Variants in FAT2 observed in about 807,000 individuals in gnomAD.
The protein encoded by FAT2 is FAT atypical cadherin 2, also known as protocadherin Fat 2.
A neutral mutation model predicts 295.3 loss-of-function variants in FAT2; 150 were observed. The observed-to-expected ratio is 0.51, with a 90% CI of 0.44 to 0.58. FAT2 has a LOEUF of 0.58. FAT2 is among the 20% of genes least tolerant of loss of function. The pLI is 0.00. For missense variants in FAT2, 4,868 were observed against 5,442.7 expected, an observed-to-expected ratio of 0.89 and a Z score of 3.32; for synonymous variants, 2,026 against 2,150.3, an observed-to-expected ratio of 0.94 and a Z score of 1.60.
At chr5:151,520,558 C>T (rs1448780450) in intron 19 of FAT2, among the ~76,000 whole-genome samples, 1 of 152,160 alleles carries the variant, frequency 6.6e-6, no homozygotes. Context: ...TGACAGTCAC[C>T]GTTGATCTGG....
At chr5:151,549,618 AACTC>A in intron 8 of FAT2, 113 bp from the exon 9 acceptor site, 1 of 752,378 alleles carries the variant, frequency 1.3e-6, no homozygotes, top group Non-Finnish European at 2.2e-6. Flanking sequence ...AATTGTAACT[AACTC>A]CCCATATTCT....
chr5:151,564,588 C>T (rs1479930116), intron 2 of FAT2, among the ~76,000 whole-genome samples: 5 of 152,164 alleles, frequency 3.3e-5, no homozygotes, highest in African/African-American at 4.8e-5. Context: ...CCTTTATTCA[C>T]GTGGGATCTC....
chr5:151,548,627 C>T (rs1238714475), intron 9 of FAT2, among the ~76,000 whole-genome samples: 2 of 152,100 alleles, frequency 1.3e-5, no homozygotes, highest in South Asian at 2.1e-4. Context: ...ATTACAGGTG[C>T]ATGTCACCAT....
chr5:151,506,954 G>A (rs1760932677), intron 23 of FAT2, among the ~76,000 whole-genome samples, 200 bp downstream of exon 23: 1 of 152,314 alleles, frequency 6.6e-6, no homozygotes, highest in South Asian at 2.1e-4. Flanking sequence ...ATTTAAAGGA[G>A]TGCAATAGAA....
chr5:151,515,644 A>C (rs1752785129), intron 20 of FAT2, among the ~76,000 whole-genome samples: 1 of 152,132 alleles, frequency 6.6e-6, no homozygotes, highest in Admixed American at 6.5e-5. Flanking sequence ...CCCACCCTTC[A>C]TTCAATTCAC....
rs75034353 is a variant in FAT2, at chr5:151,507,723, G to A, written c.12060-112C>T. On this transcript the variant is annotated intron_variant, in intron 22 of 23. Coordinates refer to ENST00000261800, the MANE Select transcript of FAT2 (RefSeq NM_001447.3). ...CTCCCCCCAAAACCTACCATCTCCC[G>A]TTTTTCACCCCCCAAAAAAGTAACT... 9,524 of 966,602 alleles carry A rather than the reference G, an allele frequency of 9.9e-3. 563 individuals are homozygous for A. In the African/African-American group the frequency reaches 0.13, roughly 14 times the overall value. 59.9% of individuals were successfully genotyped at this position (966,602 alleles called of 1,614,324 possible).
rs763399839 is a variant in FAT2 at position 151,553,441 on chromosome 5, C to G, written c.3946-54G>C. On this transcript the variant is annotated intron_variant, in intron 5 of 23. Coordinates refer to ENST00000261800, the MANE Select transcript of FAT2 (RefSeq NM_001447.3). ...GTTTGGGGCCAAGAGACAGGAAGACCCAAGCAGCCAGGACAGGAACCAGAG... is the reference window on the plus strand; with the variant it reads ...GTTTGGGGCCAAGAGACAGGAAGACGCAAGCAGCCAGGACAGGAACCAGAG... The G allele has an allele frequency of 3.7e-4, 562 of 1,528,796 alleles. 1 individual carries two copies. The highest frequency in any genetic ancestry group is 4.8e-4 in the Non-Finnish European group (539 of 1,114,226). The allele number at this position is 1,528,796 out of a possible 1,614,324, so 94.7% of individuals were successfully genotyped here.
chr5:151,532,936 C>G (rs1458838909), intron 13 of FAT2, among the ~76,000 whole-genome samples: 1 of 152,220 alleles, frequency 6.6e-6, no homozygotes, highest in Non-Finnish European at 1.5e-5. Context: ...ACATGCCATG[C>G]AACTTCCCCA....
chr5:151,542,822 C>T lies in FAT2; in HGVS notation c.8305G>A (p.Ala2769Thr), dbSNP rs1172054491. 1.2e-6 allele frequency: 2 copies of T among 1,614,192 alleles called. No homozygotes were observed. The highest frequency in any genetic ancestry group is 1.1e-5 in the South Asian group (1 of 91,086). Residue 2769 changes from alanine to threonine, a missense_variant, in exon 10 of 24, where the codon GCA (alanine) becomes ACA (threonine). Ala to Thr is a moderately conservative substitution (Grantham distance 58). This residue lies in a region of FAT2 where 3,297 missense variants were observed against 3,669.4 expected (regional missense o/e 0.90). Coordinates refer to ENST00000261800, the MANE Select transcript of FAT2 (RefSeq NM_001447.3). ...ACATCAGTGTTCTGAAGGCAATGTG[C>T]CATCACATCAATCTGGTACAATTTG... ...STKLYQIDVM[A>T]HCLQNTDVVS...
chr5:151,505,548 G>A lies in FAT2; in HGVS notation c.*17C>T. ...CAGTCCTTGGCCTCCCGCCTGCCTT[G>A]CTCTGGGAATGGGAAGCTAGAACAT... is the stretch of plus-strand genomic sequence containing the variant. On this transcript the variant is annotated 3_prime_UTR_variant, in exon 24 of 24. Coordinates refer to ENST00000261800, the MANE Select transcript of FAT2 (RefSeq NM_001447.3). The A allele has an allele frequency of 6.2e-7, 1 of 1,613,916 alleles. No homozygotes were observed. The highest frequency in any genetic ancestry group is 8.5e-7 in the Non-Finnish European group (1 of 1,179,946).
Position 151,551,485 on chromosome 5 carries a change from G to T in FAT2, c.4278C>A (p.Ser1426=). 4.3e-6 allele frequency: 7 copies of T among 1,614,156 alleles called. No homozygotes were observed. The highest frequency in any genetic ancestry group is 5.1e-6 in the Non-Finnish European group (6 of 1,180,034). The change falls in exon 7 of 24, where the codon TCC becomes TCA. Residue 1426 remains serine (S), a synonymous_variant. Transcript: ENST00000261800. Reference sequence around the variant, plus strand: ...CTCTAACCTGTGTGGCAATGGTGCGGGACCCATCTGTCACCTCAACAGTCA... The same window carrying T: ...CTCTAACCTGTGTGGCAATGGTGCGTGACCCATCTGTCACCTCAACAGTCA... ...YNLTVEVTDG[S]RTIATQVHIF...
At chr5:151,548,785 T>C (rs1250327998) in intron 9 of FAT2, among the ~76,000 whole-genome samples, 1 of 152,196 alleles carries the variant, frequency 6.6e-6, no homozygotes, top group Non-Finnish European at 1.5e-5. Flanking sequence ...CTGGCCAACA[T>C]ACATTTTCTC....
At chr5:151,540,489 C>T in intron 11 of FAT2, 78 bp downstream of exon 11, 5 of 1,370,102 alleles carry the variant, frequency 3.6e-6, no homozygotes. Flanking sequence ...TCTCCTGCTC[C>T]TCACTCTCTG....
chr5:151,553,514 A>T, intron 5 of FAT2, 127 bp from the exon 6 acceptor site: 1 of 790,552 alleles, frequency 1.3e-6, no homozygotes, highest in Non-Finnish European at 2.1e-6. Context: ...TCATTCATTC[A>T]TCTGATGCAT....
intron 16 of FAT2, 60 bp from the exon 17 acceptor site, chr5:151,527,437 C>T: frequency 6.8e-7 from 1 of 1,463,584 alleles, no homozygotes; most frequent in Non-Finnish European, 9.2e-7. Context: ...CTTCTGCCCC[C>T]TGAGTCATCA....
At chr5:151,529,041 C>T (rs1754316857) in intron 15 of FAT2, 137 bp downstream of exon 15, 1 of 709,214 alleles carries the variant, frequency 1.4e-6, no homozygotes, top group South Asian at 1.8e-5. Context: ...ACATAAACCT[C>T]TGACAAGTCA....
rs1753937804 is a variant in FAT2, at chr5:151,525,956, G to A, written c.10318C>T (p.Pro3440Ser). 2 of 1,614,010 alleles carry A rather than the reference G, an allele frequency of 1.2e-6. No individual in the cohort carries two copies. Among genetic ancestry groups the A allele is most frequent in the African/African-American group, 1.3e-5 (1 of 74,940 alleles). The part of the protein sequence containing the change: ...NYSTTVQENS[P>S]IGSKVLQLIL... ...AGCTGCAGGACTTTGCTGCCAATGG[G>A]GGAGTTCTCCTGAGACCGAGAGTGA... The change falls in exon 18 of 24, where the codon CCC becomes TCC. Residue 3440 changes from proline to serine, a missense_variant. By Grantham distance (74) the Pro-to-Ser change is moderately conservative. This residue lies in a region of FAT2 where 1,046 missense variants were observed against 1,210.1 expected (regional missense o/e 0.86). Coordinates refer to ENST00000261800, the MANE Select transcript of FAT2 (RefSeq NM_001447.3).
chr5:151,550,580 A>G lies in FAT2; in HGVS notation c.4578+10T>C, dbSNP rs764652970. 1.2e-6 allele frequency: 2 copies of G among 1,613,488 alleles called. No homozygotes were observed. Among genetic ancestry groups the G allele is most frequent in the Non-Finnish European group, 1.7e-6 (2 of 1,179,738 alleles). ...AAACGTATTCTCACCAGATTTTTCCATTTACTCACCATGACTGTCAGTGTG... is the reference window on the plus strand; with the variant it reads ...AAACGTATTCTCACCAGATTTTTCCGTTTACTCACCATGACTGTCAGTGTG... On this transcript the variant is annotated intron_variant, in intron 8 of 23. Transcript: ENST00000261800.
rs1167578180 is a variant in FAT2, at chr5:151,566,930, C to G, written c.2002G>C (p.Val668Leu). Residue 668 changes from valine to leucine, a missense_variant, in exon 2 of 24, where the codon GTA (valine) becomes CTA (leucine). Physicochemically the swap from Val to Leu is conservative, Grantham distance 32. This residue lies in a region of FAT2 where 3,297 missense variants were observed against 3,669.4 expected (regional missense o/e 0.90). Coordinates refer to ENST00000261800, the MANE Select transcript of FAT2 (RefSeq NM_001447.3). ...VVKDPHFEVP[V>L]TCDKTGVLTQ... Reference sequence around the variant, plus strand: ...AATACCCCTGTTTTATCACATGTTACAGGAACTTCAAAATGAGGGTCCTTC... The same window carrying G: ...AATACCCCTGTTTTATCACATGTTAGAGGAACTTCAAAATGAGGGTCCTTC... 6.2e-7 allele frequency: 1 copy of G among 1,614,122 alleles called. No individual in the cohort carries two copies. Among genetic ancestry groups the G allele is most frequent in the East Asian group, 2.2e-5 (1 of 44,890 alleles).
Sources: allele counts gnomAD v4.1 joint callset (sites outside exome capture counted in the v4.1 genomes callset), GRCh38; gene constraint gnomAD v4.1.1; regional missense constraint gnomAD v4.1.1; transcripts MANE v1.5; gene names NCBI Gene and HGNC (gene_info 2026-07-23, HGNC 2026-07-21).